The following UGT1A8 variants were observed in gnomAD, a reference collection of about 807,000 sequenced individuals.
UGT1A8 encodes the protein UDP-glucuronosyltransferase 1A8.
A neutral mutation model predicts 45.3 loss-of-function variants in UGT1A8; 39 were observed. The ratio of observed to expected loss-of-function variants is 0.86; its 90% confidence interval spans 0.67 to 1.12. The LOEUF is 1.12. Ranked by LOEUF, UGT1A8 falls within the 50% of genes most tolerant of loss-of-function variation. The probability of loss-of-function intolerance (pLI) is 0.00; values close to 1 mark genes in which losing one functional copy is unlikely to be tolerated. For missense variants in UGT1A8, 719 were observed against 664.9 expected, an observed-to-expected ratio of 1.08 and a Z score of -0.90; for synonymous variants, 275 against 249.2, an observed-to-expected ratio of 1.10 and a Z score of -0.97.
chr2:233,617,656 T>A lies in UGT1A8; in HGVS notation c.-52T>A. The A allele has an allele frequency of 1.3e-6, 2 of 1,568,810 alleles. No individual in the cohort carries two copies. The highest frequency in any genetic ancestry group is 1.7e-6 in the Non-Finnish European group (2 of 1,156,164). ...TTGTGCCTGTAGTTCTTCCGCCTAC[T>A]GTATCATAGCAGCTTAGAATCCCAG... On this transcript the variant is annotated 5_prime_UTR_variant, in exon 1 of 5. Transcript: ENST00000373450.
intron 1 of UGT1A8, among the ~76,000 whole-genome samples, chr2:233,622,828 T>C (rs914061177): frequency 2.4e-4 from 37 of 152,212 alleles, no homozygotes; most frequent in African/African-American, 8.9e-4. Flanking sequence ...TGGTATTGCC[T>C]AGGTTTTCTT....
At chr2:233,742,694 A>G (rs1343342305) in intron 1 of UGT1A8, 1 of 152,520 alleles carries the variant, frequency 6.6e-6, no homozygotes, top group Admixed American at 6.5e-5. Context: ...CAGAGGGAAC[A>G]TGCTTCCACC....
intron 1 of UGT1A8, among the ~76,000 whole-genome samples, chr2:233,737,955 G>A (rs1690643843): frequency 6.6e-6 from 1 of 151,990 alleles, no homozygotes; most frequent in African/African-American, 2.4e-5. Context: ...TTCCCAACAT[G>A]AGGTCACACT....
chr2:233,737,914 TA>T (rs1690631696), intron 1 of UGT1A8, among the ~76,000 whole-genome samples: 4 of 152,128 alleles, frequency 2.6e-5, no homozygotes, highest in African/African-American at 4.8e-5. Flanking sequence ...AAGAACAGGC[TA>T]GTGTATTTAG....
At chr2:233,675,410 A>G (rs985518668) in intron 1 of UGT1A8, among the ~76,000 whole-genome samples, 1 of 152,194 alleles carries the variant, frequency 6.6e-6, no homozygotes. Flanking sequence ...GATGAGTTCC[A>G]ACAGAATTAA....
chr2:233,652,458 C>G (rs934294453), intron 1 of UGT1A8, among the ~76,000 whole-genome samples: 1 of 152,090 alleles, frequency 6.6e-6, no homozygotes, highest in Non-Finnish European at 1.5e-5. Context: ...AGATATCATT[C>G]TATCCCCAAA....
chr2:233,714,599 A>G (rs2076399470), intron 1 of UGT1A8, among the ~76,000 whole-genome samples: 1 of 152,252 alleles, frequency 6.6e-6, no homozygotes, highest in Non-Finnish European at 1.5e-5. Flanking sequence ...TCTAGTGGGC[A>G]TGTTAAACAC....
Position 233,691,390 on chromosome 2 carries a change from G to C in UGT1A8, c.855+72828G>C, listed in dbSNP as rs912355070. 19 of 985,468 alleles carry C rather than the reference G, an allele frequency of 1.9e-5. No homozygotes were observed. In the African/African-American group the frequency reaches 3.1e-4, roughly 16 times the overall value. 61.0% of individuals were successfully genotyped at this position (985,468 alleles called of 1,614,324 possible). A position where few individuals can be genotyped will look rare whatever the true frequency, so the allele number is the denominator to read the frequency against. ...GCATCCTGGTTATGTTCCCCATGGG[G>C]GCCAGCCCTGTCCTTGGAGTGGCCC... is the stretch of plus-strand genomic sequence containing the variant. On this transcript the variant is annotated intron_variant, in intron 1 of 4. Transcript: ENST00000373450.
In UGT1A8 at chr2:233,693,527, C is replaced by G. The variant is rs775014681; in HGVS notation, c.856-73507C>G. 115 of 1,614,082 alleles carry G rather than the reference C, an allele frequency of 7.1e-5. No individual in the cohort carries two copies. Among genetic ancestry groups the G allele is most frequent in the Non-Finnish European group, 9.4e-5 (111 of 1,180,032 alleles). ...ATCTGTGTACCTCTTCAGGGGTTTT[C>G]CGTGTTCCCTGGAGCATACATTCAG... On this transcript the variant is annotated intron_variant, in intron 1 of 4. Coordinates refer to ENST00000373450, the MANE Select transcript of UGT1A8 (RefSeq NM_019076.5).
chr2:233,760,180 T>C (rs1376949252), intron 1 of UGT1A8: 1 of 1,548,272 alleles, frequency 6.5e-7, no homozygotes, highest in Non-Finnish European at 8.7e-7. Flanking sequence ...GACAGCTTTT[T>C]ATAGTCACGT....
chr2:233,652,379 C>T (rs1251165883), intron 1 of UGT1A8, among the ~76,000 whole-genome samples: 3 of 152,144 alleles, frequency 2.0e-5, no homozygotes, highest in Non-Finnish European at 4.4e-5. Context: ...TATACTGATT[C>T]ATGTATCTGC....
intron 1 of UGT1A8, among the ~76,000 whole-genome samples, chr2:233,758,290 A>G (rs1270361168): frequency 6.6e-6 from 1 of 152,254 alleles, no homozygotes; most frequent in East Asian, 1.9e-4. Flanking sequence ...AGCTGTGGCC[A>G]CAAACCATCC....
chr2:233,686,572 T>C (rs1305349676), intron 1 of UGT1A8, among the ~76,000 whole-genome samples: 1 of 152,142 alleles, frequency 6.6e-6, no homozygotes, highest in Non-Finnish European at 1.5e-5. Flanking sequence ...TTTCAGAAGT[T>C]AGTGTGGATT....
intron 1 of UGT1A8, among the ~76,000 whole-genome samples, chr2:233,694,304 GT>G (rs35761222): frequency 2.1e-4 from 30 of 145,430 alleles, no homozygotes; most frequent in East Asian, 4.0e-4. Flanking sequence ...CCTGTTTTTT[GT>G]TTTTTTTTTT....
intron 1 of UGT1A8, chr2:233,755,162 G>T (rs1267717516): frequency 7.8e-7 from 1 of 1,279,938 alleles, no homozygotes; most frequent in Non-Finnish European, 1.1e-6. Context: ...CCCTGTCCTC[G>T]GGGTTTTTGT....
chr2:233,716,164 G>C (rs1445096027), intron 1 of UGT1A8, among the ~76,000 whole-genome samples: 2 of 152,102 alleles, frequency 1.3e-5, no homozygotes, highest in African/African-American at 4.8e-5. Context: ...TGGAGATGCA[G>C]TGCAGCATCT....
rs193018729 is a variant in UGT1A8, at chr2:233,679,941, T to A, written c.855+61379T>A. Reference sequence around the variant, plus strand: ...GACAAAAATGTATTTCACAAAAAGATGCGAGGTTTGGCTCCTGCTGGCATA... The same window carrying A: ...GACAAAAATGTATTTCACAAAAAGAAGCGAGGTTTGGCTCCTGCTGGCATA... On this transcript the variant is annotated intron_variant, in intron 1 of 4. Coordinates refer to ENST00000373450, the MANE Select transcript of UGT1A8 (RefSeq NM_019076.5). Among the ~76,000 whole-genome samples the A allele has an allele frequency of 8.6e-3, 1,308 of 152,262 alleles. 7 individuals are homozygous for A. The highest frequency in any genetic ancestry group is 0.013 in the Non-Finnish European group (864 of 67,994).
rs543459576 is a variant in UGT1A8, at chr2:233,694,307, T to G, written c.856-72727T>G. On this transcript the variant is annotated intron_variant, in intron 1 of 4. Transcript: ENST00000373450. ...TCTGCCCAAAGGCCTGTTTTTTGTT[T>G]TTTTTTTTCCTTTTATGTTGAGACC... Among the ~76,000 whole-genome samples, 8 of 152,084 alleles carry G rather than the reference T, an allele frequency of 5.3e-5. No homozygotes were observed. The East Asian group carries it at 1.4e-3, about 26-fold the overall frequency.
chr2:233,671,826 A>T, intron 1 of UGT1A8: 1 of 1,447,290 alleles, frequency 6.9e-7, no homozygotes, highest in Non-Finnish European at 9.1e-7. Flanking sequence ...TTATGAAAGG[A>T]TAAAAACACG....
Sources: gnomAD v4.1 joint callset for allele counts (sites outside exome capture counted in the v4.1 genomes callset) on GRCh38, gnomAD v4.1.1 for gene constraint, MANE v1.5 for transcripts, NCBI Gene and HGNC (gene_info 2026-07-23, HGNC 2026-07-21) for gene names.